Variants in ZNF98 observed in about 807,000 individuals in gnomAD.
ZNF98 encodes zinc finger protein 98, also known as zinc finger protein 739.
Under a neutral mutation model 12.8 loss-of-function variants are expected in ZNF98, and 8 were observed. The ratio of observed to expected loss-of-function variants is 0.63; its 90% CI spans 0.37 to 1.13. The LOEUF is 1.13. ZNF98 is among the 50% of genes most tolerant of loss of function. The pLI, the probability that ZNF98 is intolerant of heterozygous loss-of-function variation, is 0.01. For synonymous variants in ZNF98, 112 were observed against 223.5 expected (o/e 0.50, Z 4.45); for missense variants, 379 against 666.1 (o/e 0.57, Z 4.74).
intron 1 of ZNF98, among the ~76,000 whole-genome samples, chr19:22,416,955 C>A (rs912583056): frequency 6.6e-6 from 1 of 150,668 alleles, no homozygotes; most frequent in Non-Finnish European, 1.5e-5. Context: ...TGAGGCTGGG[C>A]ACAGTGGCTC....
chr19:22,410,971 T>C (rs555695362), intron 1 of ZNF98, among the ~76,000 whole-genome samples: 1 of 152,344 alleles, frequency 6.6e-6, no homozygotes, highest in East Asian at 1.9e-4. Context: ...TCATAATCTT[T>C]GTTGGCTTTT....
chr19:22,402,320 C>T (rs1298216707), intron 3 of ZNF98: 2 of 316,370 alleles, frequency 6.3e-6, no homozygotes, highest in Non-Finnish European at 1.1e-5. Context: ...AACTATACTT[C>T]AAGACTATAA....
intron 1 of ZNF98, among the ~76,000 whole-genome samples, chr19:22,413,929 T>C (rs1485411678): frequency 6.8e-6 from 1 of 146,986 alleles, no homozygotes. Context: ...AACCATTTTA[T>C]GCTCATGGAT....
At chr19:22,399,761 A>T (rs1226311118) in intron 3 of ZNF98, among the ~76,000 whole-genome samples, 1 of 152,236 alleles carries the variant, frequency 6.6e-6, no homozygotes, top group Non-Finnish European at 1.5e-5. Context: ...TAAGATGGAA[A>T]AATAAATGGT....
intron 1 of ZNF98, among the ~76,000 whole-genome samples, chr19:22,416,005 G>A (rs947825226): frequency 1.5e-5 from 2 of 134,340 alleles, no homozygotes; most frequent in Non-Finnish European, 3.2e-5. Context: ...TTAGCTGGGC[G>A]TGGTGGCAGG....
At chr19:22,405,219 C>T (rs1245696835) in intron 1 of ZNF98, among the ~76,000 whole-genome samples, 27 of 144,520 alleles carry the variant, frequency 1.9e-4, no homozygotes, top group Admixed American at 1.4e-3. Context: ...GAACATATGG[C>T]ATTCTAGGAC....
chr19:22,415,106 G>A (rs1266699416), intron 1 of ZNF98, among the ~76,000 whole-genome samples: 2 of 152,104 alleles, frequency 1.3e-5, no homozygotes, highest in Admixed American at 1.3e-4. Flanking sequence ...AGACACACAT[G>A]TGGCTAACAA....
At chr19:22,411,687 T>C (rs940762629) in intron 1 of ZNF98, among the ~76,000 whole-genome samples, 4 of 152,222 alleles carry the variant, frequency 2.6e-5, no homozygotes, top group African/African-American at 9.6e-5. Context: ...GAGAAAAATA[T>C]CTACATATAA....
intron 1 of ZNF98, among the ~76,000 whole-genome samples, chr19:22,421,097 C>T (rs115311189): frequency 0.014 from 2,182 of 152,280 alleles, 43 homozygotes; most frequent in African/African-American, 0.049. Flanking sequence ...CAGTAACTTA[C>T]TATAGCAGCT....
intron 1 of ZNF98, among the ~76,000 whole-genome samples, chr19:22,415,485 T>C (rs1969629584): frequency 6.6e-6 from 1 of 152,026 alleles, no homozygotes; most frequent in Non-Finnish European, 1.5e-5. Context: ...AAAGAAAATA[T>C]GGTATGGCTG....
intron 3 of ZNF98, among the ~76,000 whole-genome samples, chr19:22,399,164 G>C (rs1396179878): frequency 6.6e-6 from 1 of 152,142 alleles, no homozygotes; most frequent in East Asian, 1.9e-4. Flanking sequence ...ATAAAATCTG[G>C]TATGTAACTT....
At chr19:22,408,355 G>A (rs1444204650) in intron 1 of ZNF98, among the ~76,000 whole-genome samples, 7 of 152,240 alleles carry the variant, frequency 4.6e-5, no homozygotes, top group East Asian at 1.9e-4. Flanking sequence ...ATGGGAAAAT[G>A]CTGGAAGCAT....
At position 22,392,958 on chromosome 19, in the gene ZNF98, C is replaced by CT. The variant is rs1160013362; in HGVS notation, c.276dup (p.Asp93ArgfsTer21). The CT allele has an allele frequency of 6.5e-7, 1 of 1,540,064 alleles. No individual in the cohort carries two copies. Among genetic ancestry groups the CT allele is most frequent in the African/African-American group, 1.4e-5 (1 of 72,372 alleles). Reference sequence around the variant, plus strand: ...TTTTTGCCCTGCTTTGGCCAAAGGTCTTGGGCAAAATAAGAATATACAACT... The same window carrying CT: ...TTTTTGCCCTGCTTTGGCCAAAGGTCTTTGGGCAAAATAAGAATATACAACT... On this transcript the variant is annotated frameshift_variant, in exon 4 of 4. Transcript: ENST00000357774. LOFTEE classifies it low-confidence loss of function (END_TRUNC).
intron 3 of ZNF98, among the ~76,000 whole-genome samples, chr19:22,400,936 G>C (rs1969448517): frequency 8.0e-6 from 1 of 124,888 alleles, no homozygotes; most frequent in African/African-American, 3.1e-5. Flanking sequence ...CTCAGCGACA[G>C]AGTGAGACAC....
chr19:22,395,877 A>AG (rs1568290718), intron 3 of ZNF98, among the ~76,000 whole-genome samples: 1 of 48,996 alleles, frequency 2.0e-5, no homozygotes, highest in African/African-American at 1.0e-4. Context: ...GAGGGGGGGG[A>AG]AAAAAAAAAG....
In ZNF98 at chr19:22,422,288, G is replaced by A; in HGVS notation, c.-64C>T. 1 of 1,598,538 alleles carries A rather than the reference G, an allele frequency of 6.3e-7. No homozygotes were observed. The highest frequency in any genetic ancestry group is 8.6e-7 in the Non-Finnish European group (1 of 1,167,906). ...CACAGAGGCTGGGCCTCTACGAGCAGAGGACACAGAAGGGCGAAGACGAGA... is the reference window on the plus strand; with the variant it reads ...CACAGAGGCTGGGCCTCTACGAGCAAAGGACACAGAAGGGCGAAGACGAGA... On this transcript the variant is annotated 5_prime_UTR_variant, in exon 1 of 4. Coordinates refer to ENST00000357774, the MANE Select transcript of ZNF98 (RefSeq NM_001098626.2).
intron 3 of ZNF98, among the ~76,000 whole-genome samples, chr19:22,400,168 T>TGA (rs59599162): frequency 0.014 from 2,157 of 152,280 alleles, 53 homozygotes; most frequent in African/African-American, 0.05. Context: ...GGAGAGGTCT[T>TGA]GCCCTTTCAG....
At chr19:22,393,133 T>C (rs996520274) in intron 3 of ZNF98, among the ~76,000 whole-genome samples, 152 bp from the exon 4 acceptor site, 1 of 152,148 alleles carries the variant, frequency 6.6e-6, no homozygotes, top group Non-Finnish European at 1.5e-5. Context: ...TATAAAAGCA[T>C]ACAGAACAAA....
Position 22,391,803 on chromosome 19 carries a change from A to G in ZNF98, c.1432T>C (p.Ser478Pro). 2 of 1,542,084 alleles carry G rather than the reference A, an allele frequency of 1.3e-6. No individual in the cohort carries two copies. Among genetic ancestry groups the G allele is most frequent in the Non-Finnish European group, 1.7e-6 (2 of 1,146,862 alleles). The change falls in exon 4 of 4, where the codon TCT becomes CCT. Residue 478 changes from serine to proline, a missense_variant. Around this residue, in one of 8 missense-constraint regions of ZNF98, gnomAD observed 15 missense variants for 28.7 expected, o/e 0.52. Transcript: ENST00000357774. ...CCAGTATGAATTACCTTATGTTTAG[A>G]AAGAGTTGAGGACTGGTTAAAAGCT... is the stretch of plus-strand genomic sequence containing the variant. ...GKAFNQSSTL[S>P]KHKVIHTGEK...
Sources: allele counts gnomAD v4.1 joint callset (sites outside exome capture counted in the v4.1 genomes callset), GRCh38; gene constraint gnomAD v4.1.1; regional missense constraint gnomAD v4.1.1; transcripts MANE v1.5; gene names NCBI Gene and HGNC (gene_info 2026-07-23, HGNC 2026-07-21).